Variants in RHBDF2 observed in about 807,000 individuals in gnomAD.
RHBDF2 encodes the protein inactive rhomboid protein 2.
A neutral mutation model predicts 95.2 loss-of-function variants in RHBDF2; 38 were observed. The observed-to-expected ratio is 0.40, with a 90% CI of 0.31 to 0.52. The LOEUF (loss-of-function observed/expected upper bound fraction) is 0.52, where lower values mean the gene tolerates loss of function less well. Ranked by LOEUF, RHBDF2 falls within the 20% of genes least tolerant of loss-of-function variation. The pLI is 0.56. For synonymous variants in RHBDF2, 442 were observed against 462.0 expected (o/e 0.96, Z 0.55); for missense variants, 863 against 1,137.7 (o/e 0.76, Z 3.47).
chr17:76,484,474 C>T (rs1314872438), intron 2 of RHBDF2, among the ~76,000 whole-genome samples: 2 of 151,920 alleles, frequency 1.3e-5, no homozygotes, highest in African/African-American at 4.8e-5. Flanking sequence ...AACCTGTCCT[C>T]CTCCTCCATC....
At chr17:76,485,047 G>A (rs2074082499) in intron 2 of RHBDF2, among the ~76,000 whole-genome samples, 1 of 152,222 alleles carries the variant, frequency 6.6e-6, no homozygotes, top group East Asian at 1.9e-4. Context: ...TGAGGTGGGC[G>A]GATCACCTAA....
At position 76,473,339 on chromosome 17, in the gene RHBDF2, G is replaced by T; in HGVS notation, c.1734-12C>A. ...TGGTGATCTCACAGCTAAGGGGGTG[G>T]TGAGGCAAGAGGGGACATCAGGGCG... On this transcript the variant is annotated splice_polypyrimidine_tract_variant and intron_variant, in intron 15 of 18. Coordinates refer to ENST00000675367, the MANE Select transcript of RHBDF2 (RefSeq NM_001005498.4). 6.2e-7 allele frequency: 1 copy of T among 1,607,272 alleles called. No homozygotes were observed. The highest frequency in any genetic ancestry group is 1.1e-5 in the South Asian group (1 of 89,942).
chr17:76,481,582 C>A (rs1056267843), intron 2 of RHBDF2, 37 bp from the exon 3 acceptor site: 4 of 1,554,986 alleles, frequency 2.6e-6, no homozygotes, highest in East Asian at 2.3e-5. Context: ...GTGGGCGGTG[C>A]GGGGTGGCGC....
intron 1 of RHBDF2, among the ~76,000 whole-genome samples, chr17:76,491,116 C>T (rs979841441): frequency 6.6e-6 from 1 of 152,100 alleles, no homozygotes; most frequent in African/African-American, 2.4e-5. Flanking sequence ...GAGCTCCTGC[C>T]CTGCTGGCTC....
rs546927860 is a variant in RHBDF2 at position 76,486,970 on chromosome 17, T to C, written c.-22+742A>G. The stretch of plus-strand genomic sequence containing the variant: ...TTCCTGCCTTTTTTTTTTTTTTTTT[T>C]TTTTTGAGACTGAGTTTCATTCTTG... On this transcript the variant is annotated intron_variant, in intron 2 of 18. Coordinates refer to ENST00000675367, the MANE Select transcript of RHBDF2 (RefSeq NM_001005498.4). Among the ~76,000 whole-genome samples the C allele has an allele frequency of 1.6e-4, 24 of 147,400 alleles. No homozygotes were observed. In the Middle Eastern group the frequency reaches 0.014, roughly 86 times the overall value.
chr17:76,478,783 C>A (rs1484482237), intron 6 of RHBDF2, 23 bp downstream of exon 6: 7 of 1,591,594 alleles, frequency 4.4e-6, no homozygotes, highest in Non-Finnish European at 6.0e-6. Flanking sequence ...GAGGTGGGGG[C>A]CCTGCAGGAG....
rs2073556740 is a variant in RHBDF2 at position 76,471,475 on chromosome 17, G to A, written c.*158C>T. On this transcript the variant is annotated 3_prime_UTR_variant, in exon 19 of 19. Coordinates refer to ENST00000675367, the MANE Select transcript of RHBDF2 (RefSeq NM_001005498.4). Reference sequence around the variant, plus strand: ...CCGCCTTAACCAACCATCTCACGCGGAGTCAGCCTCGCCTGGCAGGGGGGC... The same window carrying A: ...CCGCCTTAACCAACCATCTCACGCGAAGTCAGCCTCGCCTGGCAGGGGGGC... 1 of 772,026 alleles carries A rather than the reference G, an allele frequency of 1.3e-6. No homozygotes were observed. 47.8% of individuals were successfully genotyped at this position (772,026 alleles called of 1,614,324 possible). A position where few individuals can be genotyped will look rare whatever the true frequency, so the allele number is the denominator to read the frequency against.
At chr17:76,478,717 T>G in intron 6 of RHBDF2, 89 bp downstream of exon 6, 2 of 1,125,272 alleles carry the variant, frequency 1.8e-6, no homozygotes, top group Non-Finnish European at 2.5e-6. Context: ...CAGGTGAGCT[T>G]TAGGGGATGC....
At chr17:76,485,718 C>T (rs2074108554) in intron 2 of RHBDF2, among the ~76,000 whole-genome samples, 1 of 152,176 alleles carries the variant, frequency 6.6e-6, no homozygotes, top group Admixed American at 6.6e-5. Context: ...AGCACAAGCG[C>T]CCGTCAGCAG....
chr17:76,483,101 A>C (rs562481289), intron 2 of RHBDF2, among the ~76,000 whole-genome samples: 1 of 152,106 alleles, frequency 6.6e-6, no homozygotes, highest in African/African-American at 2.4e-5. Context: ...CCCGAGAGGA[A>C]GAGATTGCTG....
chr17:76,495,971 G>A (rs2074418145), intron 1 of RHBDF2, among the ~76,000 whole-genome samples: 1 of 152,192 alleles, frequency 6.6e-6, no homozygotes. Context: ...AAAGCCACGT[G>A]CTTATGGCCC....
intron 1 of RHBDF2, among the ~76,000 whole-genome samples, chr17:76,488,571 A>C (rs2074208150): frequency 6.6e-6 from 1 of 152,106 alleles, no homozygotes; most frequent in African/African-American, 2.4e-5. Flanking sequence ...GCACTTTGGG[A>C]GGCCAAGGTG....
intron 18 of RHBDF2, 106 bp downstream of exon 18, chr17:76,472,580 T>G: frequency 7.0e-7 from 1 of 1,437,694 alleles, no homozygotes; most frequent in Non-Finnish European, 9.8e-7. Context: ...TGGAGCCCAG[T>G]ACAGGAGGGG....
chr17:76,476,722 A>G, intron 9 of RHBDF2, 108 bp downstream of exon 9: 1 of 1,432,838 alleles, frequency 7.0e-7, no homozygotes, highest in South Asian at 1.4e-5. Flanking sequence ...TGATCCGCAG[A>G]AGATGCTCAT....
chr17:76,499,589 T>C (rs970245584), intron 1 of RHBDF2, among the ~76,000 whole-genome samples: 4 of 152,142 alleles, frequency 2.6e-5, no homozygotes, highest in Non-Finnish European at 5.9e-5. Context: ...GCCCTCTTTA[T>C]TGCAGGACAA....
At chr17:76,497,887 A>G (rs1264739074) in intron 1 of RHBDF2, among the ~76,000 whole-genome samples, 1 of 152,008 alleles carries the variant, frequency 6.6e-6, no homozygotes, top group Non-Finnish European at 1.5e-5. Context: ...GGTTCCCCTC[A>G]CACTCCAAAC....
intron 2 of RHBDF2, among the ~76,000 whole-genome samples, chr17:76,485,887 A>G (rs2074112671): frequency 6.6e-6 from 1 of 152,072 alleles, no homozygotes; most frequent in African/African-American, 2.4e-5. Context: ...GCATGAGTCC[A>G]TTCATATGAA....
chr17:76,477,646 C>T lies in RHBDF2; in HGVS notation c.801+11G>A. 1 of 1,613,790 alleles carries T rather than the reference C, an allele frequency of 6.2e-7. No individual in the cohort carries two copies. Among genetic ancestry groups the T allele is most frequent in the Non-Finnish European group, 8.5e-7 (1 of 1,179,798 alleles). On this transcript the variant is annotated intron_variant, in intron 7 of 18. Coordinates refer to ENST00000675367, the MANE Select transcript of RHBDF2 (RefSeq NM_001005498.4). ...CCACCCAACTCCTGCTGTCCCACAC[C>T]CCATGCTTGCCTTACTAAAAAAGGA...
chr17:76,486,666 A>T (rs2074137067), intron 2 of RHBDF2, among the ~76,000 whole-genome samples: 1 of 151,734 alleles, frequency 6.6e-6, no homozygotes, highest in Admixed American at 6.6e-5. Context: ...GTGAACCGTG[A>T]TCGCGCCACT....
Sources: gnomAD v4.1 joint callset for allele counts (sites outside exome capture counted in the v4.1 genomes callset) on GRCh38, gnomAD v4.1.1 for gene constraint, MANE v1.5 for transcripts, NCBI Gene and HGNC (gene_info 2026-07-23, HGNC 2026-07-21) for gene names.